Variants in MACF1 observed in about 807,000 individuals in gnomAD.
The protein encoded by MACF1 is microtubule-actin cross-linking factor 1.
In MACF1, 193 loss-of-function variants were observed where a neutral mutation model predicts 854.8. The observed-to-expected ratio is 0.23, with a 90% confidence interval of 0.20 to 0.25. The LOEUF (loss-of-function observed/expected upper bound fraction) is 0.25. MACF1 is among the 10% of genes least tolerant of loss of function. The pLI, the probability that MACF1 is intolerant of heterozygous loss-of-function variation, is 1.00. For synonymous variants in MACF1, 3,185 were observed against 3,226.7 expected (o/e 0.99, Z 0.44); for missense variants, 7,722 against 8,929.1 (o/e 0.86, Z 5.45).
At chr1:39,120,488 C>A (rs1642672583) in intron 2 of MACF1, among the ~76,000 whole-genome samples, 1 of 152,020 alleles carries the variant, frequency 6.6e-6, no homozygotes, top group African/African-American at 2.4e-5. Flanking sequence ...CCTCAGCCTC[C>A]CGAGTAGCTA....
At chr1:39,135,680 G>C (rs1015188829) in intron 2 of MACF1, among the ~76,000 whole-genome samples, 1 of 152,112 alleles carries the variant, frequency 6.6e-6, no homozygotes, top group Non-Finnish European at 1.5e-5. Flanking sequence ...GACCTATTTT[G>C]ATAGGAGTCT....
intron 2 of MACF1, among the ~76,000 whole-genome samples, chr1:39,104,754 C>A (rs1642176704): frequency 6.6e-6 from 1 of 152,220 alleles, no homozygotes; most frequent in East Asian, 1.9e-4. Context: ...TCAGCTTCTT[C>A]TGTTTCTGGA....
intron 25 of MACF1, 40 bp downstream of exon 25, chr1:39,310,468 A>G (rs1356376765): frequency 6.3e-7 from 1 of 1,581,112 alleles, no homozygotes; most frequent in East Asian, 2.3e-5. Context: ...TAGTAGAATG[A>G]GAGCCTTTCA....
chr1:39,300,093 C>G, intron 21 of MACF1, 117 bp from the exon 22 acceptor site: 1 of 996,420 alleles, frequency 1.0e-6, no homozygotes, highest in Non-Finnish European at 1.5e-6. Flanking sequence ...ACCAACCATC[C>G]CTACTTAACT....
chr1:39,380,589 A>G (rs909907753), intron 55 of MACF1, among the ~76,000 whole-genome samples: 1 of 152,202 alleles, frequency 6.6e-6, no homozygotes, highest in Non-Finnish European at 1.5e-5. Context: ...TGGGCAAGTC[A>G]AACTGGTAAT....
At chr1:39,107,107 A>G (rs1018308734) in intron 2 of MACF1, among the ~76,000 whole-genome samples, 2 of 152,106 alleles carry the variant, frequency 1.3e-5, no homozygotes, top group Non-Finnish European at 2.9e-5. Context: ...CTTTTGAGTA[A>G]CACTGCTCTC....
intron 48 of MACF1, 74 bp from the exon 49 acceptor site, chr1:39,361,286 A>G: frequency 7.1e-7 from 1 of 1,414,374 alleles, no homozygotes; most frequent in Non-Finnish European, 9.8e-7. Context: ...GAGATAGCAT[A>G]TAGTTATTAG....
At chr1:39,151,477 C>T (rs1025740019) in intron 2 of MACF1, among the ~76,000 whole-genome samples, 3 of 152,198 alleles carry the variant, frequency 2.0e-5, no homozygotes, top group African/African-American at 7.2e-5. Flanking sequence ...TTTAGCATGG[C>T]ATGCAAAGCT....
Position 39,388,595 on chromosome 1 carries a change from G to A in MACF1, c.15753G>A (p.Glu5251=), listed in dbSNP as rs947694801. 3.1e-6 allele frequency: 5 copies of A among 1,613,136 alleles called. No homozygotes were observed. The highest frequency in any genetic ancestry group is 2.7e-5 in the African/African-American group (2 of 74,878). ...CGACCACAGCAGCAGAGGAGGCAGA[G>A]GCCCTCCAGTGGGTAGTGGGGACCG... ...NDATTAAEEA[E]ALQWVVGTEV... is the part of the protein sequence containing the mutation. The change falls in exon 58 of 101, where the codon GAG becomes GAA. Residue 5251 remains glutamate, a synonymous_variant. Transcript: ENST00000564288.
chr1:39,432,550 G>A lies in MACF1; in HGVS notation c.17353G>A (p.Asp5785Asn), dbSNP rs781127842. 30 of 1,613,968 alleles carry A rather than the reference G, an allele frequency of 1.9e-5. No homozygotes were observed. The highest frequency in any genetic ancestry group is 4.5e-5 in the East Asian group (2 of 44,876). The change falls in exon 67 of 101, where the codon GAT becomes AAT. Residue 5785 changes from aspartate (D) to asparagine (N), a missense_variant. This residue lies in a region of MACF1 where 2,807 missense variants were observed against 3,235.8 expected (regional missense o/e 0.87). Coordinates refer to ENST00000564288, the MANE Select transcript of MACF1 (RefSeq NM_001394062.1). ...QRSQQYEQAADAELAWVAETK... is the reference protein window; with the variant it reads ...QRSQQYEQAANAELAWVAETK... ...CGTCTATTAGTATGAGCAAGCTGCCGATGCAGAACTAGCTTGGGTTGCTGA... is the reference window on the plus strand; with the variant it reads ...CGTCTATTAGTATGAGCAAGCTGCCAATGCAGAACTAGCTTGGGTTGCTGA...
chr1:39,267,487 T>G (rs1645247368), intron 6 of MACF1, among the ~76,000 whole-genome samples: 1 of 152,242 alleles, frequency 6.6e-6, no homozygotes, highest in Non-Finnish European at 1.5e-5. Flanking sequence ...TGCCTTGGCC[T>G]TCTAGAGTAC....
chr1:39,356,004 G>C (rs1647530042), intron 44 of MACF1, among the ~76,000 whole-genome samples: 1 of 152,140 alleles, frequency 6.6e-6, no homozygotes, highest in African/African-American at 2.4e-5. Flanking sequence ...GAGGCTATCA[G>C]GTTGTTGTTG....
chr1:39,414,531 A>C, intron 58 of MACF1: 1 of 1,603,688 alleles, frequency 6.2e-7, no homozygotes, highest in South Asian at 1.1e-5. Flanking sequence ...TGAGATTTGC[A>C]GGGCTGACCT....
chr1:39,190,804 G>C (rs1269829383), intron 2 of MACF1, among the ~76,000 whole-genome samples: 1 of 152,060 alleles, frequency 6.6e-6, no homozygotes, highest in Non-Finnish European at 1.5e-5. Flanking sequence ...AGACTGGGTT[G>C]GCCAACATGG....
At chr1:39,175,308 T>C (rs1644008614) in intron 2 of MACF1, among the ~76,000 whole-genome samples, 1 of 152,216 alleles carries the variant, frequency 6.6e-6, no homozygotes. Flanking sequence ...AAAGTTGGAA[T>C]ACCATATGAA....
intron 97 of MACF1, among the ~76,000 whole-genome samples, chr1:39,471,919 G>A (rs1204486696): frequency 1.2e-4 from 18 of 151,936 alleles, no homozygotes; most frequent in African/African-American, 2.2e-4. Flanking sequence ...CGTCACCACC[G>A]TCCATCCACA....
At chr1:39,315,177 C>A (rs1646386768) in intron 26 of MACF1, among the ~76,000 whole-genome samples, 1 of 152,064 alleles carries the variant, frequency 6.6e-6, no homozygotes, top group Admixed American at 6.6e-5. Context: ...TCTGGTTATC[C>A]TTTCTGTCTG....
At chr1:39,450,106 CCTG>C (rs1644309546) in intron 84 of MACF1, among the ~76,000 whole-genome samples, 3 of 152,036 alleles carry the variant, frequency 2.0e-5, no homozygotes, top group Admixed American at 2.0e-4. Flanking sequence ...TCATGATCCA[CCTG>C]CCTCGGCGTC....
chr1:39,464,933 C>G (rs1359414500), intron 94 of MACF1, 162 bp from the exon 95 acceptor site: 1 of 669,180 alleles, frequency 1.5e-6, no homozygotes. Context: ...AAAATTAAAA[C>G]CACATCCCTG....
Sources: gnomAD v4.1 joint callset for allele counts (sites outside exome capture counted in the v4.1 genomes callset) on GRCh38, gnomAD v4.1.1 for gene constraint, gnomAD v4.1.1 regional missense constraint, MANE v1.5 for transcripts, NCBI Gene and HGNC (gene_info 2026-07-23, HGNC 2026-07-21) for gene names.